SEMA5A: variants seen among roughly 807,000 people sequenced by gnomAD.
SEMA5A encodes semaphorin 5A, also known as semaphorin-5A.
Under a neutral mutation model 135.5 loss-of-function variants are expected in SEMA5A, and 55 were observed. That is an observed-to-expected ratio of 0.41 (90% CI 0.33 to 0.51). The LOEUF is 0.51. SEMA5A is among the 20% of genes least tolerant of loss of function. SEMA5A has a pLI of 0.37. For synonymous variants in SEMA5A, 580 were observed against 546.5 expected (o/e 1.06, Z -0.85); for missense variants, 1,290 against 1,419.9 (o/e 0.91, Z 1.47).
chr5:9,227,932 C>T (rs778005449), intron 6 of SEMA5A, among the ~76,000 whole-genome samples: 1 of 152,184 alleles, frequency 6.6e-6, no homozygotes, highest in Non-Finnish European at 1.5e-5. Context: ...TGGGACAAAA[C>T]CCTAGGCTGA....
At chr5:9,542,398 A>T (rs190483013) in intron 1 of SEMA5A, among the ~76,000 whole-genome samples, 87 of 152,340 alleles carry the variant, frequency 5.7e-4, no homozygotes, top group African/African-American at 2.1e-3. Context: ...TACTCAAGAC[A>T]ACTGAAAGTA....
chr5:9,232,908 T>G (rs1561053059), intron 6 of SEMA5A, among the ~76,000 whole-genome samples: 2 of 152,218 alleles, frequency 1.3e-5, no homozygotes, highest in Non-Finnish European at 2.9e-5. Flanking sequence ...GTACAAAATG[T>G]CAAGATCCAG....
At chr5:9,305,982 T>A (rs920676587) in intron 5 of SEMA5A, among the ~76,000 whole-genome samples, 2 of 152,198 alleles carry the variant, frequency 1.3e-5, no homozygotes, top group African/African-American at 4.8e-5. Flanking sequence ...CATTGTCTCC[T>A]GAGTTTGTGG....
Position 9,052,029 on chromosome 5 carries a change from C to T in SEMA5A, c.2690-1G>A. 1 of 1,590,706 alleles carries T rather than the reference C, an allele frequency of 6.3e-7. No individual in the cohort carries two copies. Among genetic ancestry groups the T allele is most frequent in the Non-Finnish European group, 8.6e-7 (1 of 1,167,032 alleles). ...CAGTCCGACCACTCCGACCAGCTCT[C>T]TGCAGAGACCAGAAAAGGGGAGATG... On this transcript the variant is annotated splice_acceptor_variant, in intron 19 of 22. Coordinates refer to ENST00000382496, the MANE Select transcript of SEMA5A (RefSeq NM_003966.3). LOFTEE classifies it high-confidence loss of function.
intron 1 of SEMA5A, among the ~76,000 whole-genome samples, chr5:9,538,506 G>T (rs931667622): frequency 6.6e-6 from 1 of 152,188 alleles, no homozygotes; most frequent in Non-Finnish European, 1.5e-5. Context: ...AGGAGTTCCA[G>T]ACTCTGCAGC....
In SEMA5A at chr5:9,109,027, A is replaced by ATTTTTTTTTTTTTTTTTTTTTTTTTT; in HGVS notation, c.1926-741_1926-740insAAAAAAAAAAAAAAAAAAAAAAAAAA. 1.7e-5 allele frequency among the ~76,000 whole-genome samples: 2 copies of ATTTTTTTTTTTTTTTTTTTTTTTTTT among 118,956 alleles called. 1 individual carries two copies. The highest frequency in any genetic ancestry group is 5.2e-4 in the East Asian group (2 of 3,812). 78.0% of individuals were successfully genotyped at this position (118,956 alleles called of 152,430 possible). A position where few individuals can be genotyped will look rare whatever the true frequency, so the allele number is the denominator to read the frequency against. On this transcript the variant is annotated intron_variant, in intron 15 of 22. Transcript: ENST00000382496. ...ATCATGAGTCATATTATTTCTCTTCAATTTTTTTTTTTTTTTTTTTTTTTT... is the reference window on the plus strand; with the variant it reads ...ATCATGAGTCATATTATTTCTCTTCATTTTTTTTTTTTTTTTTTTTTTTTTTATTTTTTTTTTTTTTTTTTTTTTTT...
intron 6 of SEMA5A, among the ~76,000 whole-genome samples, chr5:9,231,356 A>T (rs189520694): frequency 2.1e-4 from 32 of 150,730 alleles, no homozygotes; most frequent in Middle Eastern, 3.4e-3. Context: ...CCCAGCTACT[A>T]CTCAAGAGAC....
At chr5:9,248,022 C>T (rs564878931) in intron 5 of SEMA5A, among the ~76,000 whole-genome samples, 3 of 152,214 alleles carry the variant, frequency 2.0e-5, no homozygotes, top group African/African-American at 4.8e-5. Flanking sequence ...TAGCATTAAA[C>T]AGCAATTGTG....
chr5:9,195,212 C>G (rs40686), intron 10 of SEMA5A, among the ~76,000 whole-genome samples: 117,777 of 152,196 alleles, frequency 0.77, 45,853 homozygotes, highest in African/African-American at 0.87. Context: ...GCTCTGTCAC[C>G]CAGACTGGAG....
At chr5:9,366,860 T>C (rs1285754300) in intron 3 of SEMA5A, among the ~76,000 whole-genome samples, 2 of 152,244 alleles carry the variant, frequency 1.3e-5, no homozygotes, top group South Asian at 2.1e-4. Flanking sequence ...GGGCTCATTT[T>C]TCACTTGAAG....
chr5:9,140,010 C>T (rs1052131881), intron 12 of SEMA5A, among the ~76,000 whole-genome samples: 2 of 152,134 alleles, frequency 1.3e-5, no homozygotes, highest in Non-Finnish European at 2.9e-5. Flanking sequence ...CTAAACATCT[C>T]AAACCCCACA....
Position 9,038,489 on chromosome 5 carries a change from T to C in SEMA5A, c.*4408A>G, listed in dbSNP as rs1735773813. 1 of 152,194 alleles carries C rather than the reference T, an allele frequency of 6.6e-6. No individual in the cohort carries two copies. The highest frequency in any genetic ancestry group is 1.5e-5 in the Non-Finnish European group (1 of 68,036). The allele number at this position is 152,194 out of a possible 1,614,324, so 9.4% of individuals were successfully genotyped here. A position where few individuals can be genotyped will look rare whatever the true frequency, so the allele number is the denominator to read the frequency against. On this transcript the variant is annotated 3_prime_UTR_variant, in exon 23 of 23. Coordinates refer to ENST00000382496, the MANE Select transcript of SEMA5A (RefSeq NM_003966.3). ...TGGTTCAGGGACAAAGTTGAAGAAG[T>C]ATCTTGACAGTATTGGGGAAATATT... is the stretch of plus-strand genomic sequence containing the variant.
chr5:9,125,410 G>A (rs901581225), intron 13 of SEMA5A, among the ~76,000 whole-genome samples: 13 of 152,148 alleles, frequency 8.5e-5, no homozygotes, highest in African/African-American at 3.1e-4. Flanking sequence ...ATGTGCCATG[G>A]TGGTTTGCTG....
At chr5:9,263,404 A>G (rs1420110940) in intron 5 of SEMA5A, among the ~76,000 whole-genome samples, 1 of 152,170 alleles carries the variant, frequency 6.6e-6, no homozygotes, top group East Asian at 1.9e-4. Context: ...CATGAGCCCT[A>G]TTGTGAACTG....
At chr5:9,377,507 TA>T (rs1424583928) in intron 3 of SEMA5A, among the ~76,000 whole-genome samples, 1 of 151,488 alleles carries the variant, frequency 6.6e-6, no homozygotes, top group African/African-American at 2.4e-5. Context: ...CTAATTTCAC[TA>T]AAATTTTCCA....
intron 5 of SEMA5A, among the ~76,000 whole-genome samples, chr5:9,311,084 G>T (rs925429268): frequency 6.6e-6 from 1 of 151,916 alleles, no homozygotes; most frequent in Non-Finnish European, 1.5e-5. Context: ...CAACAATCAA[G>T]GAACATAGGG....
At chr5:9,410,159 A>G (rs867982796) in intron 2 of SEMA5A, among the ~76,000 whole-genome samples, 5 of 152,296 alleles carry the variant, frequency 3.3e-5, no homozygotes, top group Middle Eastern at 6.8e-3. Context: ...AGTATACATA[A>G]CAGATAAGCA....
intron 3 of SEMA5A, among the ~76,000 whole-genome samples, chr5:9,351,048 T>C (rs1754090191): frequency 6.6e-6 from 1 of 152,198 alleles, no homozygotes; most frequent in South Asian, 2.1e-4. Context: ...GATGTGTTAG[T>C]TTGGAAGAGT....
intron 1 of SEMA5A, among the ~76,000 whole-genome samples, chr5:9,481,880 A>T (rs1402538271): frequency 6.6e-6 from 1 of 152,198 alleles, no homozygotes; most frequent in Non-Finnish European, 1.5e-5. Context: ...AAGATTTCTT[A>T]TGCACACACA....
Sources: gnomAD v4.1 joint callset for allele counts (sites outside exome capture counted in the v4.1 genomes callset) on GRCh38, gnomAD v4.1.1 for gene constraint, MANE v1.5 for transcripts, NCBI Gene and HGNC (gene_info 2026-07-23, HGNC 2026-07-21) for gene names.